SOX6: variants seen among roughly 807,000 people sequenced by gnomAD.
SOX6 encodes the protein transcription factor SOX-6.
A neutral mutation model predicts 97.8 loss-of-function variants in SOX6; 11 were observed. The ratio of observed to expected loss-of-function variants is 0.11; its 90% CI spans 0.07 to 0.19. SOX6 has a LOEUF of 0.19. SOX6 is among the 10% of genes least tolerant of loss of function. SOX6 has a pLI of 1.00. For missense variants in SOX6, 810 were observed against 1,039.5 expected, an observed-to-expected ratio of 0.78 and a Z score of 3.04; for synonymous variants, 360 against 371.4, an observed-to-expected ratio of 0.97 and a Z score of 0.35.
intron 1 of SOX6, among the ~76,000 whole-genome samples, chr11:16,345,673 G>A (rs568402364): frequency 9.9e-5 from 15 of 152,046 alleles, no homozygotes; most frequent in Admixed American, 5.3e-4. Context: ...GAGAATGCTG[G>A]ATATGTGCAC....
At chr11:16,514,943 T>C (rs537259406) in intron 4 of SOX6, among the ~76,000 whole-genome samples, 1 of 151,904 alleles carries the variant, frequency 6.6e-6, no homozygotes, top group Non-Finnish European at 1.5e-5. Context: ...ATCCAGTCTA[T>C]CATTGTTGGA....
At chr11:15,982,450 A>G (rs986726345) in intron 15 of SOX6, among the ~76,000 whole-genome samples, 1 of 152,102 alleles carries the variant, frequency 6.6e-6, no homozygotes, top group African/African-American at 2.4e-5. Flanking sequence ...TTAATATTTT[A>G]TAGTAGTTTT....
intron 13 of SOX6, among the ~76,000 whole-genome samples, chr11:16,009,831 A>C (rs1854657236): frequency 6.6e-6 from 1 of 152,000 alleles, no homozygotes; most frequent in African/African-American, 2.4e-5. Flanking sequence ...ATCCCACCCC[A>C]GATTAGGCTA....
intron 4 of SOX6, among the ~76,000 whole-genome samples, chr11:16,534,652 C>T (rs1228422867): frequency 1.3e-5 from 2 of 152,120 alleles, no homozygotes; most frequent in Admixed American, 6.6e-5. Flanking sequence ...ATAACTAACA[C>T]CAGTTTCTAT....
At chr11:16,588,509 C>T (rs1430605396) in intron 4 of SOX6, among the ~76,000 whole-genome samples, 1 of 152,174 alleles carries the variant, frequency 6.6e-6, no homozygotes. Context: ...TTCCCAGCTT[C>T]TGCTCTGATT....
chr11:16,537,181 A>C (rs1031840014), intron 4 of SOX6, among the ~76,000 whole-genome samples: 17 of 152,332 alleles, frequency 1.1e-4, no homozygotes, highest in African/African-American at 3.8e-4. Context: ...TACCCAGGCA[A>C]ACAAGATCTG....
At chr11:16,734,026 C>CAA (rs912566097) in intron 2 of SOX6, among the ~76,000 whole-genome samples, 41 of 64,870 alleles carry the variant, frequency 6.3e-4, no homozygotes, top group African/African-American at 2.0e-3. Context: ...GACTTTGTCT[C>CAA]AAAAAAAAAA....
chr11:16,188,294 G>C (rs1325029253), intron 4 of SOX6, among the ~76,000 whole-genome samples: 1 of 150,186 alleles, frequency 6.7e-6, no homozygotes, highest in Non-Finnish European at 1.5e-5. Flanking sequence ...TGAGCTCAAT[G>C]ATGGCCTAAA....
chr11:16,710,759 A>G (rs989431719), intron 3 of SOX6, among the ~76,000 whole-genome samples: 5 of 152,206 alleles, frequency 3.3e-5, no homozygotes, highest in Non-Finnish European at 5.9e-5. Flanking sequence ...TCCCAGATAT[A>G]TCTATACTTA....
chr11:16,429,504 G>T (rs1039290245), intron 1 of SOX6, among the ~76,000 whole-genome samples: 1 of 152,140 alleles, frequency 6.6e-6, no homozygotes, highest in African/African-American at 2.4e-5. Context: ...ATTTAAAAAA[G>T]AATGAGATCA....
intron 4 of SOX6, among the ~76,000 whole-genome samples, chr11:16,602,349 C>G (rs146546556): frequency 6.6e-6 from 1 of 152,096 alleles, no homozygotes; most frequent in Non-Finnish European, 1.5e-5. Context: ...TACTTGATAT[C>G]GGGATCCTGC....
chr11:16,711,235 A>G (rs1160886423), intron 3 of SOX6, among the ~76,000 whole-genome samples: 1 of 152,188 alleles, frequency 6.6e-6, no homozygotes, highest in African/African-American at 2.4e-5. Context: ...TGCTAAAAAC[A>G]TTACAGCAGG....
At chr11:16,239,325 C>G (rs932602208) in intron 3 of SOX6, among the ~76,000 whole-genome samples, 6 of 152,176 alleles carry the variant, frequency 3.9e-5, no homozygotes. Flanking sequence ...CTCTCCCTCT[C>G]TCTCCAATGA....
chr11:16,171,710 G>C (rs1272157881), intron 6 of SOX6, among the ~76,000 whole-genome samples: 1 of 151,654 alleles, frequency 6.6e-6, no homozygotes, highest in Non-Finnish European at 1.5e-5. Context: ...ACATGGATTT[G>C]CTTAAATAAA....
chr11:16,424,346 C>T (rs966829365), intron 1 of SOX6, among the ~76,000 whole-genome samples: 1 of 152,184 alleles, frequency 6.6e-6, no homozygotes, highest in African/African-American at 2.4e-5. Context: ...TTCATATACA[C>T]TATTGTAACT....
At chr11:16,042,622 G>T (rs1447722732) in intron 12 of SOX6, among the ~76,000 whole-genome samples, 1 of 152,136 alleles carries the variant, frequency 6.6e-6, no homozygotes, top group African/African-American at 2.4e-5. Context: ...ATGACTGTGG[G>T]TAAGTCCTTT....
intron 4 of SOX6, among the ~76,000 whole-genome samples, chr11:16,569,583 A>G (rs1847914332): frequency 6.6e-6 from 1 of 152,296 alleles, no homozygotes; most frequent in East Asian, 1.9e-4. Context: ...TATGTAAGTG[A>G]TACATTTTGT....
At chr11:16,372,971 C>T (rs1857530800) in intron 1 of SOX6, among the ~76,000 whole-genome samples, 1 of 152,174 alleles carries the variant, frequency 6.6e-6, no homozygotes, top group South Asian at 2.1e-4. Flanking sequence ...TCAGAACTTG[C>T]CATGCTCATA....
chr11:16,549,319 G>C (rs576600724), intron 4 of SOX6, among the ~76,000 whole-genome samples: 1 of 152,210 alleles, frequency 6.6e-6, no homozygotes, highest in Non-Finnish European at 1.5e-5. Context: ...ACAGGCATGC[G>C]CCACCACGCC....
Sources: allele counts gnomAD v4.1 joint callset (sites outside exome capture counted in the v4.1 genomes callset), GRCh38; gene constraint gnomAD v4.1.1; transcripts MANE v1.5; gene names NCBI Gene and HGNC (gene_info 2026-07-23, HGNC 2026-07-21).